SYNJ1: variants seen among roughly 807,000 people sequenced by gnomAD.
SYNJ1 encodes synaptojanin 1.
Under a neutral mutation model 168.2 loss-of-function variants are expected in SYNJ1, and 78 were observed. That is an observed-to-expected ratio of 0.46 (90% confidence interval 0.39 to 0.56). The LOEUF is 0.56. SYNJ1 is among the 20% of genes least tolerant of loss of function. SYNJ1 has a pLI of 0.00. For missense variants in SYNJ1, 1,303 were observed against 1,597.6 expected, an observed-to-expected ratio of 0.82 and a Z score of 3.14; for synonymous variants, 539 against 548.6, an observed-to-expected ratio of 0.98 and a Z score of 0.24.
chr21:32,657,558 C>G (rs2040507584), intron 19 of SYNJ1, among the ~76,000 whole-genome samples, 158 bp downstream of exon 19: 1 of 152,190 alleles, frequency 6.6e-6, no homozygotes, highest in Non-Finnish European at 1.5e-5. Context: ...ATAAACAGAT[C>G]TGATATTTCT....
chr21:32,688,987 A>C (rs2041928257), intron 6 of SYNJ1, among the ~76,000 whole-genome samples: 1 of 152,248 alleles, frequency 6.6e-6, no homozygotes. Context: ...ACCCAATTAT[A>C]GTATTTGCAC....
chr21:32,703,187 C>T (rs996426905), intron 2 of SYNJ1, among the ~76,000 whole-genome samples: 19 of 152,242 alleles, frequency 1.2e-4, no homozygotes, highest in Admixed American at 5.2e-4. Context: ...GACTAACTGA[C>T]TCAGTCACTC....
intron 2 of SYNJ1, among the ~76,000 whole-genome samples, chr21:32,721,633 TG>T (rs1262669861): frequency 4.0e-5 from 6 of 151,608 alleles, no homozygotes; most frequent in Non-Finnish European, 8.8e-5. Context: ...GAGTCAAGAT[TG>T]CACCACTGCA....
intron 27 of SYNJ1, 43 bp from the exon 28 acceptor site, chr21:32,642,176 A>G: frequency 1.2e-6 from 2 of 1,609,646 alleles, no homozygotes; most frequent in Non-Finnish European, 1.7e-6. Context: ...GTAAGTTAAC[A>G]ATTAAGCAAT....
At chr21:32,636,734 G>A (rs1178537242) in intron 31 of SYNJ1, among the ~76,000 whole-genome samples, 2 of 151,936 alleles carry the variant, frequency 1.3e-5, no homozygotes, top group Non-Finnish European at 2.9e-5. Flanking sequence ...TTCCCTGGAG[G>A]AAACTGTAAC....
Position 32,638,822 on chromosome 21 carries a change from A to AAATT in SYNJ1, c.3915+85_3915+86insAATT, listed in dbSNP as rs1173811490. On this transcript the variant is annotated intron_variant, in intron 31 of 32. Coordinates refer to ENST00000674351, the MANE Select transcript of SYNJ1 (RefSeq NM_203446.3). ...AAACTCGTATTTATTTTTACTTCTT[A>AAATT]TAACAGGCAATAATTAAAATAGGTA... The AAATT allele has an allele frequency of 5.4e-6, 7 of 1,296,426 alleles. No homozygotes were observed. In the African/African-American group the frequency reaches 8.9e-5, roughly 16 times the overall value. The allele number at this position is 1,296,426 out of a possible 1,614,324, so 80.3% of individuals were successfully genotyped here. A position where few individuals can be genotyped will look rare whatever the true frequency, so the allele number is the denominator to read the frequency against.
intron 29 of SYNJ1, 51 bp from the exon 30 acceptor site, chr21:32,639,830 A>G (rs749996622): frequency 6.1e-6 from 9 of 1,472,446 alleles, no homozygotes; most frequent in Non-Finnish European, 6.6e-6. Context: ...TTCCACAGGT[A>G]AAATTCTGTG....
At chr21:32,659,340 G>A (rs548118218) in intron 18 of SYNJ1, among the ~76,000 whole-genome samples, 8 of 152,098 alleles carry the variant, frequency 5.3e-5, no homozygotes, top group Admixed American at 5.2e-4. Context: ...AATTATTATG[G>A]GTTTTCTCTT....
At chr21:32,680,896 C>T (rs2041597311) in intron 11 of SYNJ1, among the ~76,000 whole-genome samples, 1 of 152,172 alleles carries the variant, frequency 6.6e-6, no homozygotes, top group East Asian at 1.9e-4. Flanking sequence ...GGATTATAGG[C>T]GTCAGCCACC....
intron 22 of SYNJ1, among the ~76,000 whole-genome samples, chr21:32,651,113 C>G (rs1720126): frequency 0.083 from 12,636 of 152,218 alleles, 686 homozygotes; most frequent in South Asian, 0.16. Context: ...TGGTCAAGGA[C>G]AAAATGTGCA....
intron 18 of SYNJ1, among the ~76,000 whole-genome samples, chr21:32,664,145 C>T (rs2040828050): frequency 6.6e-6 from 1 of 152,192 alleles, no homozygotes; most frequent in East Asian, 1.9e-4. Context: ...ACTTGTACTT[C>T]TTCAAATGAT....
intron 11 of SYNJ1, among the ~76,000 whole-genome samples, chr21:32,679,759 GTTAT>G (rs2041551530): frequency 6.6e-6 from 1 of 152,064 alleles, no homozygotes; most frequent in African/African-American, 2.4e-5. Context: ...GGCATTAAGT[GTTAT>G]TTCTTTCTAT....
chr21:32,687,391 G>A lies in SYNJ1; in HGVS notation c.852-317C>T, dbSNP rs560420536. ...ATAAGCTTGACTGGAAAGGCAGTAA[G>A]GGCAGATGGCAAAGGGCTGCTGCTC... On this transcript the variant is annotated intron_variant, in intron 7 of 32. Transcript: ENST00000674351. Among the ~76,000 whole-genome samples, 3 of 152,270 alleles carry A rather than the reference G, an allele frequency of 2.0e-5. No homozygotes were observed. The South Asian group carries it at 6.2e-4, about 32-fold the overall frequency.
intron 3 of SYNJ1, among the ~76,000 whole-genome samples, chr21:32,700,400 A>G (rs2042356604): frequency 6.6e-6 from 1 of 152,222 alleles, no homozygotes; most frequent in Non-Finnish European, 1.5e-5. Context: ...CACGCCTGTA[A>G]TCCCAGCACT....
intron 12 of SYNJ1, 116 bp downstream of exon 12, chr21:32,678,529 C>T: frequency 1.7e-6 from 2 of 1,156,550 alleles, no homozygotes; most frequent in Non-Finnish European, 2.3e-6. Context: ...ATTACCTTTA[C>T]AGAAATCCCT....
At chr21:32,663,304 T>C (rs1158670522) in intron 18 of SYNJ1, among the ~76,000 whole-genome samples, 29 of 152,200 alleles carry the variant, frequency 1.9e-4, no homozygotes, top group Admixed American at 1.9e-3. Context: ...CCCCGTAGGA[T>C]GACTTAGTTG....
intron 7 of SYNJ1, 139 bp downstream of exon 7, chr21:32,688,167 T>C: frequency 1.4e-6 from 1 of 732,284 alleles, no homozygotes. Flanking sequence ...TAACACTAGG[T>C]GTCACTGTCT....
At chr21:32,724,664 G>T (rs2043378963) in intron 2 of SYNJ1, among the ~76,000 whole-genome samples, 1 of 152,208 alleles carries the variant, frequency 6.6e-6, no homozygotes, top group African/African-American at 2.4e-5. Context: ...AAAGTGTGAA[G>T]ATTTTAAGTG....
intron 31 of SYNJ1, among the ~76,000 whole-genome samples, chr21:32,637,639 T>C (rs1349923997): frequency 6.6e-6 from 1 of 152,038 alleles, no homozygotes; most frequent in African/African-American, 2.4e-5. Flanking sequence ...TGGTCTTGAA[T>C]TCCTGACCTC....
Sources: allele counts gnomAD v4.1 joint callset (sites outside exome capture counted in the v4.1 genomes callset), GRCh38; gene constraint gnomAD v4.1.1; transcripts MANE v1.5; gene names NCBI Gene and HGNC (gene_info 2026-07-23, HGNC 2026-07-21).